The following RYR3 variants were observed in gnomAD, a reference collection of about 807,000 sequenced individuals.
RYR3 encodes the protein ryanodine receptor 3, also known as brain ryanodine receptor-calcium release channel.
In RYR3, 207 loss-of-function variants were observed where a neutral mutation model predicts 584.3. That is an observed-to-expected ratio of 0.35 (90% CI 0.32 to 0.40). RYR3 has a LOEUF of 0.40. RYR3 is among the 10% of genes least tolerant of loss of function. The pLI is 1.00. For missense variants in RYR3, 5,616 were observed against 6,089.2 expected, an observed-to-expected ratio of 0.92 and a Z score of 2.59; for synonymous variants, 2,416 against 2,248.5, an observed-to-expected ratio of 1.07 and a Z score of -2.11.
Position 33,624,002 on chromosome 15 carries a change from A to G in RYR3, c.2553A>G (p.Pro851=), listed in dbSNP as rs775513735. The G allele has an allele frequency of 5.6e-6, 9 of 1,613,858 alleles. No homozygotes were observed. The South Asian group carries it at 9.9e-5, about 18-fold the overall frequency. Reference sequence around the variant, plus strand: ...TCCTCTCCCAAGCCTCTTTCATCCCATGCCCCGTAGACACCAGTCAGGTAG... The same window carrying G: ...TCCTCTCCCAAGCCTCTTTCATCCCGTGCCCCGTAGACACCAGTCAGGTAG... ...TQFLSQASFI[P]CPVDTSQVIL... Residue 851 remains proline, a synonymous_variant, in exon 20 of 104, where the codon CCA becomes CCG. Coordinates refer to ENST00000634891, the MANE Select transcript of RYR3 (RefSeq NM_001036.6).
At chr15:33,339,123 G>A (rs920741761) in intron 1 of RYR3, among the ~76,000 whole-genome samples, 24 of 152,186 alleles carry the variant, frequency 1.6e-4, no homozygotes, top group Admixed American at 1.5e-3. Flanking sequence ...AGGAAAAAGC[G>A]GACATTTTTC....
chr15:33,390,952 G>A lies in RYR3; in HGVS notation c.51+79856G>A, dbSNP rs139453743. Among the ~76,000 whole-genome samples the A allele has an allele frequency of 1.3e-5, 2 of 152,316 alleles. No individual in the cohort carries two copies. Among genetic ancestry groups the A allele is most frequent in the African/African-American group, 4.8e-5 (2 of 41,568 alleles). ...AAGGAAGCCTGGCATTGATTTCTCTGCCTGTGTCTTTCCCTTATGATCCAG... is the reference window on the plus strand; with the variant it reads ...AAGGAAGCCTGGCATTGATTTCTCTACCTGTGTCTTTCCCTTATGATCCAG... On this transcript the variant is annotated intron_variant, in intron 1 of 103. Transcript: ENST00000634891. The surrounding 1 kb of genome is among the most constrained non-coding windows in gnomAD (Gnocchi z 4.2).
intron 93 of RYR3, among the ~76,000 whole-genome samples, chr15:33,845,871 G>C (rs552540928): frequency 1.3e-5 from 2 of 152,306 alleles, no homozygotes; most frequent in South Asian, 4.1e-4. Context: ...CTAAAACTCA[G>C]TGGTCTAAAA....
rs5811763 is a variant in RYR3, at chr15:33,494,102, ATT to A, written c.172-9519_172-9518del. On this transcript the variant is annotated intron_variant, in intron 2 of 103. Coordinates refer to ENST00000634891, the MANE Select transcript of RYR3 (RefSeq NM_001036.6). Reference sequence around the variant, plus strand: ...AGGCAAAGAAACAGTGATTGTGGCTATTTTTTTTTTTAGCTCTTTATCACATT... The same window carrying A: ...AGGCAAAGAAACAGTGATTGTGGCTATTTTTTTTTAGCTCTTTATCACATT... 3.7e-3 allele frequency among the ~76,000 whole-genome samples: 556 copies of A among 150,464 alleles called. 3 individuals carry two copies. Among genetic ancestry groups the A allele is most frequent in the African/African-American group, 0.012 (512 of 41,192 alleles).
chr15:33,581,848 T>C (rs142800446), intron 14 of RYR3, among the ~76,000 whole-genome samples: 97 of 152,202 alleles, frequency 6.4e-4, no homozygotes, highest in African/African-American at 2.3e-3. Flanking sequence ...GATAATCAGT[T>C]TCCCTGTAAC....
At position 33,800,386 on chromosome 15, in the gene RYR3, C is replaced by T. The variant is rs538129282; in HGVS notation, c.9831-384C>T. 5.9e-5 allele frequency among the ~76,000 whole-genome samples: 9 copies of T among 152,276 alleles called. No individual in the cohort carries two copies. In the South Asian group the frequency reaches 1.2e-3, roughly 21 times the overall value. ...AGTGACCAAGACTTGCCTACCTTTG[C>T]TAGCCTTATATATTAAAGGAAGCAT... On this transcript the variant is annotated intron_variant, in intron 67 of 103. Coordinates refer to ENST00000634891, the MANE Select transcript of RYR3 (RefSeq NM_001036.6).
intron 1 of RYR3, among the ~76,000 whole-genome samples, chr15:33,355,752 C>T (rs1479744184): frequency 2.0e-5 from 3 of 152,194 alleles, no homozygotes; most frequent in Non-Finnish European, 4.4e-5. Context: ...CTTCTCATCC[C>T]TGATCCCCTA....
At position 33,838,141 on chromosome 15, in the gene RYR3, C is replaced by T; in HGVS notation, c.12161C>T (p.Thr4054Ile). 1 of 1,613,912 alleles carries T rather than the reference C, an allele frequency of 6.2e-7. No homozygotes were observed. The highest frequency in any genetic ancestry group is 1.3e-5 in the African/African-American group (1 of 75,014). The change falls in exon 89 of 104, where the codon ACT becomes ATT. Residue 4054 changes from threonine (T) to isoleucine (I), a missense_variant. By Grantham distance (89) the Thr-to-Ile change is moderately conservative. This residue lies in a region of RYR3 where 258 missense variants were observed against 297.3 expected (regional missense o/e 0.87). Transcript: ENST00000634891. Reference sequence around the variant, plus strand: ...TTTGAGATCAGTGAATCCAGTCGCACTCAGTGGGAGAAGCCCCAGGTGAAG... The same window carrying T: ...TTTGAGATCAGTGAATCCAGTCGCATTCAGTGGGAGAAGCCCCAGGTGAAG... ...VYFEISESSRTQWEKPQVKES... is the reference protein window; with the variant it reads ...VYFEISESSRIQWEKPQVKES...
intron 59 of RYR3, 148 bp downstream of exon 59, chr15:33,756,521 A>G: frequency 1.5e-6 from 1 of 687,494 alleles, no homozygotes; most frequent in South Asian, 1.7e-5. Context: ...AACAGTCCCA[A>G]GGGAGGCTGG....
intron 32 of RYR3, among the ~76,000 whole-genome samples, chr15:33,657,594 C>T (rs1400608294): frequency 6.6e-6 from 1 of 152,214 alleles, no homozygotes; most frequent in Non-Finnish European, 1.5e-5. Flanking sequence ...ATTCATGTCT[C>T]ATCACCATGA....
At chr15:33,630,081 A>T in intron 22 of RYR3, 38 bp downstream of exon 22, 1 of 1,177,678 alleles carries the variant, frequency 8.5e-7, no homozygotes. Context: ...ACAAACAATG[A>T]ATAGATGATT....
intron 93 of RYR3, among the ~76,000 whole-genome samples, chr15:33,847,834 C>A (rs771295962): frequency 1.1e-4 from 17 of 152,160 alleles, no homozygotes; most frequent in Non-Finnish European, 2.2e-4. Context: ...ACCTTCAACG[C>A]CATGAGATAA....
intron 12 of RYR3, among the ~76,000 whole-genome samples, chr15:33,573,035 A>G (rs2058117580): frequency 6.6e-6 from 1 of 152,204 alleles, no homozygotes; most frequent in Non-Finnish European, 1.5e-5. Context: ...GTATGCCTCT[A>G]GTCAATTTCC....
At chr15:33,807,477 TG>T in intron 69 of RYR3, 77 bp from the exon 70 acceptor site, 1 of 1,354,436 alleles carries the variant, frequency 7.4e-7, no homozygotes, top group Non-Finnish European at 1.0e-6. Flanking sequence ...AACTAACATA[TG>T]GTGCCTTTTG....
intron 10 of RYR3, 146 bp downstream of exon 10, chr15:33,550,462 T>C: frequency 1.3e-6 from 1 of 745,310 alleles, no homozygotes; most frequent in Non-Finnish European, 2.1e-6. Context: ...CTTTCTTCTT[T>C]TATCTTTTGA....
intron 12 of RYR3, among the ~76,000 whole-genome samples, chr15:33,569,699 C>T (rs1249554221): frequency 2.0e-5 from 3 of 152,080 alleles, no homozygotes; most frequent in Non-Finnish European, 4.4e-5. Context: ...TAACATTTTA[C>T]ATTTCTCTTA....
intron 2 of RYR3, among the ~76,000 whole-genome samples, chr15:33,488,654 C>T (rs1193910226): frequency 6.6e-6 from 1 of 152,074 alleles, no homozygotes; most frequent in African/African-American, 2.4e-5. Flanking sequence ...AGATCGAGAC[C>T]ATCCTGGCCA....
intron 1 of RYR3, among the ~76,000 whole-genome samples, chr15:33,347,122 A>T (rs544674217): frequency 3.3e-5 from 5 of 152,258 alleles, no homozygotes; most frequent in Non-Finnish European, 7.4e-5. Context: ...GACCTTGATC[A>T]CCTGGCTGAC....
intron 67 of RYR3, among the ~76,000 whole-genome samples, chr15:33,796,084 C>A (rs2075597717): frequency 6.6e-6 from 1 of 152,152 alleles, no homozygotes; most frequent in African/African-American, 2.4e-5. Flanking sequence ...GCTTCCTTTT[C>A]TTTCAAAACC....
Sources: allele counts gnomAD v4.1 joint callset (sites outside exome capture counted in the v4.1 genomes callset), GRCh38; gene constraint gnomAD v4.1.1; regional missense constraint gnomAD v4.1.1; non-coding constraint Gnocchi (gnomAD v3.1); transcripts MANE v1.5; gene names NCBI Gene and HGNC (gene_info 2026-07-23, HGNC 2026-07-21).